Variants in RERE observed in about 807,000 individuals in gnomAD.
The protein encoded by RERE is arginine-glutamic acid dipeptide repeats protein.
In RERE, 40 loss-of-function variants were observed where a neutral mutation model predicts 146.1. That is an observed-to-expected ratio of 0.27 (90% CI 0.21 to 0.36). The LOEUF is 0.36. Among genes scored for constraint, RERE ranks in the 10% least tolerant of loss-of-function variants. The pLI is 1.00. For missense variants in RERE, 1,933 were observed against 2,138.7 expected (o/e 0.90, Z 1.90); for synonymous variants, 1,003 against 866.0 (o/e 1.16, Z -2.78).
At chr1:8,396,326 A>G (rs1205960899) in intron 12 of RERE, among the ~76,000 whole-genome samples, 1 of 152,224 alleles carries the variant, frequency 6.6e-6, no homozygotes, top group African/African-American at 2.4e-5. Flanking sequence ...AGAACGTGAC[A>G]TGGACATAAT....
chr1:8,690,891 TTTTATTTA>T (rs1024061329), intron 1 of RERE, among the ~76,000 whole-genome samples: 1 of 152,010 alleles, frequency 6.6e-6, no homozygotes, highest in Admixed American at 6.6e-5. Context: ...TATTTTTTAT[TTTTATTTA>T]TTTATTTATT....
rs543244153 is a variant in RERE, at chr1:8,365,978, C to A, written c.1285-4G>T. On this transcript the variant is annotated splice_polypyrimidine_tract_variant and splice_region_variant and intron_variant, in intron 12 of 22. Coordinates refer to ENST00000400908, the MANE Select transcript of RERE (RefSeq NM_001042681.2). The stretch of plus-strand genomic sequence containing the variant: ...AATAGAAGGTGATCAGCTCCCCCTG[C>A]AGAAGAGAAGGGCTGACTGTGGGGG... 3 of 1,612,694 alleles carry A rather than the reference C, an allele frequency of 1.9e-6. No homozygotes were observed. Among genetic ancestry groups the A allele is most frequent in the African/African-American group, 1.3e-5 (1 of 75,018 alleles).
At chr1:8,463,420 T>G (rs1008602547) in intron 11 of RERE, among the ~76,000 whole-genome samples, 2 of 152,180 alleles carry the variant, frequency 1.3e-5, no homozygotes, top group African/African-American at 4.8e-5. Flanking sequence ...TCCTGTTTTG[T>G]TTTTCAAAAT....
intron 4 of RERE, among the ~76,000 whole-genome samples, chr1:8,558,239 G>A (rs1003479708): frequency 6.6e-6 from 1 of 152,204 alleles, no homozygotes; most frequent in Non-Finnish European, 1.5e-5. Flanking sequence ...GTAGGACACT[G>A]CACTATGTTA....
intron 10 of RERE, among the ~76,000 whole-genome samples, chr1:8,482,388 A>C (rs80243135): frequency 0.13 from 19,492 of 152,194 alleles, 1,485 homozygotes; most frequent in Middle Eastern, 0.25. Flanking sequence ...CATTCAAACA[A>C]GACAAAAAAT....
chr1:8,744,327 T>C (rs1640376236), intron 1 of RERE, among the ~76,000 whole-genome samples: 2 of 152,228 alleles, frequency 1.3e-5, no homozygotes, highest in African/African-American at 2.4e-5. Context: ...TTAAGTTCCA[T>C]ATGTGGGTAG....
chr1:8,712,801 TA>T (rs1052127157), intron 1 of RERE, among the ~76,000 whole-genome samples: 118 of 146,400 alleles, frequency 8.1e-4, no homozygotes, highest in African/African-American at 2.2e-3. Context: ...AAAAACAAAA[TA>T]AAAAAAAAAC....
At chr1:8,601,626 C>CCACCCACACA (rs1553119506) in intron 4 of RERE, among the ~76,000 whole-genome samples, 1 of 94,914 alleles carries the variant, frequency 1.1e-5, no homozygotes, top group South Asian at 4.2e-4. Context: ...TCCAAGGTCA[C>CCACCCACACA]CACACACACA....
At chr1:8,377,872 T>C (rs896153065) in intron 12 of RERE, among the ~76,000 whole-genome samples, 1 of 152,162 alleles carries the variant, frequency 6.6e-6, no homozygotes, top group Non-Finnish European at 1.5e-5. Flanking sequence ...GATAATTGAA[T>C]GACAGGGGCT....
chr1:8,431,462 T>G (rs1198793803), intron 11 of RERE, among the ~76,000 whole-genome samples: 1 of 152,158 alleles, frequency 6.6e-6, no homozygotes, highest in Non-Finnish European at 1.5e-5. Context: ...TGATTCTACA[T>G]TATAGGGAGT....
chr1:8,625,232 T>G (rs7554534), intron 2 of RERE, among the ~76,000 whole-genome samples: 2 of 152,154 alleles, frequency 1.3e-5, no homozygotes, highest in African/African-American at 4.8e-5. Flanking sequence ...GTGTCAGGAT[T>G]ACAGGCATGA....
intron 6 of RERE, among the ~76,000 whole-genome samples, chr1:8,548,541 G>A (rs764923118): frequency 5.9e-5 from 9 of 152,112 alleles, no homozygotes; most frequent in Admixed American, 2.0e-4. Context: ...GTCAATAAAC[G>A]GGTTTCTCAC....
chr1:8,619,435 A>G (rs1404148395), intron 3 of RERE, among the ~76,000 whole-genome samples: 1 of 152,258 alleles, frequency 6.6e-6, no homozygotes, highest in Non-Finnish European at 1.5e-5. Flanking sequence ...TATACTACCT[A>G]GAAACTCATT....
rs1646199752 is a variant in RERE, at chr1:8,569,987, T to C, written c.523-12464A>G. On this transcript the variant is annotated intron_variant, in intron 4 of 22. Transcript: ENST00000400908. ...CAAGATTCCTTAGATTCTTAAAAAT[T>C]ATTAAAGAGTCAAAGAACATGGGTT... 2.0e-5 allele frequency among the ~76,000 whole-genome samples: 3 copies of C among 152,178 alleles called. No individual in the cohort carries two copies. The South Asian group carries it at 6.2e-4, about 31-fold the overall frequency.
intron 1 of RERE, among the ~76,000 whole-genome samples, chr1:8,659,394 T>C (rs1638404677): frequency 6.6e-6 from 1 of 152,168 alleles, no homozygotes; most frequent in Non-Finnish European, 1.5e-5. Flanking sequence ...CTGTCTCTAC[T>C]AAAAATACAA....
intron 1 of RERE, among the ~76,000 whole-genome samples, chr1:8,795,456 A>G (rs1641450405): frequency 6.6e-6 from 1 of 151,662 alleles, no homozygotes; most frequent in Non-Finnish European, 1.5e-5. Context: ...CCACATATCC[A>G]GCATGCATTT....
At chr1:8,744,825 T>C (rs1017347480) in intron 1 of RERE, among the ~76,000 whole-genome samples, 1 of 152,210 alleles carries the variant, frequency 6.6e-6, no homozygotes, top group Admixed American at 6.5e-5. Flanking sequence ...ATAAATAGTA[T>C]GTACAGGATA....
chr1:8,616,220 T>C (rs1646851245), intron 3 of RERE, among the ~76,000 whole-genome samples: 2 of 152,216 alleles, frequency 1.3e-5, no homozygotes, highest in Admixed American at 6.5e-5. Context: ...GTAAAGCATT[T>C]CCAGACACTT....
At chr1:8,760,115 T>A (rs1344709975) in intron 1 of RERE, among the ~76,000 whole-genome samples, 1 of 152,152 alleles carries the variant, frequency 6.6e-6, no homozygotes, top group African/African-American at 2.4e-5. Context: ...AACCTCTGCC[T>A]CCCGGGTTCA....
Sources: gnomAD v4.1 joint callset for allele counts (sites outside exome capture counted in the v4.1 genomes callset) on GRCh38, gnomAD v4.1.1 for gene constraint, MANE v1.5 for transcripts, NCBI Gene and HGNC (gene_info 2026-07-23, HGNC 2026-07-21) for gene names.